PI15: variants seen among roughly 807,000 people sequenced by gnomAD.
The protein encoded by PI15 is peptidase inhibitor 15, also known as 25 kDa trypsin inhibitor.
In PI15, 18 loss-of-function variants were observed where a neutral mutation model predicts 31.0. The observed-to-expected ratio is 0.58, with a 90% CI of 0.40 to 0.86. The LOEUF is 0.86. Among genes scored for constraint, PI15 ranks in the 40% least tolerant of loss-of-function variants. The pLI, the probability that PI15 is intolerant of heterozygous loss-of-function variation, is 0.00. For missense variants in PI15, 282 were observed against 328.1 expected, an observed-to-expected ratio of 0.86 and a Z score of 1.09; for synonymous variants, 118 against 119.1, an observed-to-expected ratio of 0.99 and a Z score of 0.06.
chr8:74,829,470 G>A (rs1427532695), intron 2 of PI15, among the ~76,000 whole-genome samples: 2 of 151,944 alleles, frequency 1.3e-5, no homozygotes, highest in Non-Finnish European at 2.9e-5. Flanking sequence ...TAGTTTCTTA[G>A]AATAAGAATT....
Position 74,831,739 on chromosome 8 carries a change from G to T in PI15, c.273+6217G>T, listed in dbSNP as rs1047060882. The stretch of plus-strand genomic sequence containing the variant: ...GAGTGGGGGTAAGAAGGTAGGGAAG[G>T]CTTCCAGAAGGAATGATTTTAAATA... On this transcript the variant is annotated intron_variant, in intron 2 of 5. Transcript: ENST00000260113. Among the ~76,000 whole-genome samples, 3 of 152,064 alleles carry T rather than the reference G, an allele frequency of 2.0e-5. No homozygotes were observed. The East Asian group carries it at 5.8e-4, about 29-fold the overall frequency.
chr8:74,826,906 A>G (rs1312493949), intron 2 of PI15, among the ~76,000 whole-genome samples: 1 of 152,098 alleles, frequency 6.6e-6, no homozygotes, highest in Non-Finnish European at 1.5e-5. Flanking sequence ...TGCCCAGTGA[A>G]AACTCATTCA....
chr8:74,842,011 A>C (rs530552233), intron 2 of PI15, among the ~76,000 whole-genome samples: 27 of 143,098 alleles, frequency 1.9e-4, no homozygotes, highest in Non-Finnish European at 6.5e-5. Context: ...TGAAGAGTTT[A>C]TCTTTTTTTT....
rs1018210729 is a variant in PI15, at chr8:74,851,377, A to G, written c.*2124A>G. ...AAGTACTATTAAACAGAAGATGGCT[A>G]CACTAAGTTCCAATTTTGTTGCTGA... is the stretch of plus-strand genomic sequence containing the variant. On this transcript the variant is annotated 3_prime_UTR_variant, in exon 6 of 6. Coordinates refer to ENST00000260113, the MANE Select transcript of PI15 (RefSeq NM_015886.5). 6.6e-6 allele frequency: 1 copy of G among 152,116 alleles called. No individual in the cohort carries two copies. The highest frequency in any genetic ancestry group is 2.4e-5 in the African/African-American group (1 of 41,460). 9.4% of individuals were successfully genotyped at this position (152,116 alleles called of 1,614,324 possible). A position where few individuals can be genotyped will look rare whatever the true frequency, so the allele number is the denominator to read the frequency against.
At chr8:74,827,297 A>G (rs953899576) in intron 2 of PI15, among the ~76,000 whole-genome samples, 18 of 152,130 alleles carry the variant, frequency 1.2e-4, no homozygotes, top group Admixed American at 3.3e-4. Context: ...CACTATTTTT[A>G]TCCTATTGAG....
In PI15 at chr8:74,841,907, T is replaced by C. The variant is rs60419822; in HGVS notation, c.274-2074T>C. ...TTTTGTGCAATCCTAGGTCAATTTA[T>C]GTAAGATGACTTTGTTTTTCCTAAT... is the stretch of plus-strand genomic sequence containing the variant. On this transcript the variant is annotated intron_variant, in intron 2 of 5. Transcript: ENST00000260113. Among the ~76,000 whole-genome samples the C allele has an allele frequency of 3.8e-3, 582 of 152,340 alleles. 3 individuals are homozygous for C. The highest frequency in any genetic ancestry group is 0.013 in the African/African-American group (559 of 41,570).
At position 74,849,305 on chromosome 8, in the gene PI15, A is replaced by G. The variant is rs775834418; in HGVS notation, c.*52A>G. 4.7e-6 allele frequency: 5 copies of G among 1,064,908 alleles called. No individual in the cohort carries two copies. The highest frequency in any genetic ancestry group is 6.7e-6 in the Non-Finnish European group (5 of 751,250). The allele number at this position is 1,064,908 out of a possible 1,614,324, so 66.0% of individuals were successfully genotyped here. A position where few individuals can be genotyped will look rare whatever the true frequency, so the allele number is the denominator to read the frequency against. On this transcript the variant is annotated 3_prime_UTR_variant, in exon 6 of 6. Transcript: ENST00000260113. ...ATGATTTCTGGGAACATGGGCATGT[A>G]TATATATATATGGAGAGAGAATTTT...
At chr8:74,842,629 G>C (rs1407979604) in intron 2 of PI15, among the ~76,000 whole-genome samples, 1 of 152,020 alleles carries the variant, frequency 6.6e-6, no homozygotes, top group African/African-American at 2.4e-5. Flanking sequence ...TACCATTTCA[G>C]AACTGATTTA....
Position 74,854,545 on chromosome 8 carries a change from T to C in PI15, c.*5292T>C, listed in dbSNP as rs1811153557. 2 of 152,020 alleles carry C rather than the reference T, an allele frequency of 1.3e-5. No individual in the cohort carries two copies. Among genetic ancestry groups the C allele is most frequent in the Admixed American group, 6.6e-5 (1 of 15,240 alleles). 9.4% of individuals were successfully genotyped at this position (152,020 alleles called of 1,614,324 possible). On this transcript the variant is annotated 3_prime_UTR_variant, in exon 6 of 6. Transcript: ENST00000260113. ...AACAATCAGCTAATAAAAAAAAAATTTGAGGGCCTAAATTATTTCAATGGT... is the reference window on the plus strand; with the variant it reads ...AACAATCAGCTAATAAAAAAAAAATCTGAGGGCCTAAATTATTTCAATGGT...
chr8:74,828,602 G>C (rs974028071), intron 2 of PI15, among the ~76,000 whole-genome samples: 1 of 152,082 alleles, frequency 6.6e-6, no homozygotes, highest in East Asian at 1.9e-4. Flanking sequence ...TGGATTGTGA[G>C]CATGTGAAAG....
At chr8:74,829,168 T>A (rs916879031) in intron 2 of PI15, among the ~76,000 whole-genome samples, 1 of 152,140 alleles carries the variant, frequency 6.6e-6, no homozygotes, top group Non-Finnish European at 1.5e-5. Flanking sequence ...GAAATCCTTG[T>A]GAATTGTTAT....
At chr8:74,843,006 A>G (rs1203510604) in intron 2 of PI15, among the ~76,000 whole-genome samples, 1 of 152,208 alleles carries the variant, frequency 6.6e-6, no homozygotes, top group Admixed American at 6.5e-5. Flanking sequence ...TTCAAATTAT[A>G]TTATATATGT....
At chr8:74,842,724 G>A (rs1324515296) in intron 2 of PI15, among the ~76,000 whole-genome samples, 5 of 152,124 alleles carry the variant, frequency 3.3e-5, no homozygotes, top group Admixed American at 2.0e-4. Context: ...TAACTAATAT[G>A]AATGTATGTT....
intron 2 of PI15, among the ~76,000 whole-genome samples, 171 bp downstream of exon 2, chr8:74,825,693 A>G (rs1810688946): frequency 1.3e-5 from 2 of 152,156 alleles, no homozygotes; most frequent in African/African-American, 4.8e-5. Flanking sequence ...CTGTTGCATC[A>G]CAGAATCAGA....
At chr8:74,847,567 A>G (rs1362503235) in intron 5 of PI15, among the ~76,000 whole-genome samples, 1 of 152,184 alleles carries the variant, frequency 6.6e-6, no homozygotes, top group Non-Finnish European at 1.5e-5. Context: ...CAAGCCTGTG[A>G]TGGTATCAAA....
intron 2 of PI15, among the ~76,000 whole-genome samples, chr8:74,838,694 T>A (rs1168193636): frequency 3.3e-5 from 5 of 152,186 alleles, no homozygotes; most frequent in African/African-American, 9.6e-5. Flanking sequence ...AATTTTATCT[T>A]TTTAAACATT....
At chr8:74,840,120 A>G (rs1442200122) in intron 2 of PI15, among the ~76,000 whole-genome samples, 1 of 152,148 alleles carries the variant, frequency 6.6e-6, no homozygotes, top group African/African-American at 2.4e-5. Flanking sequence ...GATACATAAT[A>G]GAAATATTTT....
In PI15 at chr8:74,849,311, A is replaced by G; in HGVS notation, c.*58A>G. ...TCTGGGAACATGGGCATGTATATATATATATGGAGAGAGAATTTTGCACAT... is the reference window on the plus strand; with the variant it reads ...TCTGGGAACATGGGCATGTATATATGTATATGGAGAGAGAATTTTGCACAT... On this transcript the variant is annotated 3_prime_UTR_variant, in exon 6 of 6. Transcript: ENST00000260113. The G allele has an allele frequency of 7.5e-7, 1 of 1,325,044 alleles. No homozygotes were observed. Among genetic ancestry groups the G allele is most frequent in the Non-Finnish European group, 1.0e-6 (1 of 961,838 alleles). 82.1% of individuals were successfully genotyped at this position (1,325,044 alleles called of 1,614,324 possible).
In PI15 at chr8:74,849,448, T is replaced by G. The variant is rs2128766681; in HGVS notation, c.*195T>G. ...TTGAAATATTTGAAACATCAATTTC[T>G]ATTTTCTGACCTCTAAGCCTAAATT... On this transcript the variant is annotated 3_prime_UTR_variant, in exon 6 of 6. Coordinates refer to ENST00000260113, the MANE Select transcript of PI15 (RefSeq NM_015886.5). 2.2e-6 allele frequency: 1 copy of G among 463,218 alleles called. No individual in the cohort carries two copies. Among genetic ancestry groups the G allele is most frequent in the African/African-American group, 2.0e-5 (1 of 49,464 alleles). The allele number at this position is 463,218 out of a possible 1,614,324, so 28.7% of individuals were successfully genotyped here. A position where few individuals can be genotyped will look rare whatever the true frequency, so the allele number is the denominator to read the frequency against.
Sources: allele counts gnomAD v4.1 joint callset (sites outside exome capture counted in the v4.1 genomes callset), GRCh38; gene constraint gnomAD v4.1.1; transcripts MANE v1.5; gene names NCBI Gene and HGNC (gene_info 2026-07-23, HGNC 2026-07-21).